The following CCDC191 variants were observed in gnomAD, a reference collection of about 807,000 sequenced individuals.
CCDC191 encodes the protein coiled-coil domain-containing protein 191.
Under a neutral mutation model 114.0 loss-of-function variants are expected in CCDC191, and 99 were observed. The ratio of observed to expected loss-of-function variants is 0.87; its 90% CI spans 0.74 to 1.03. The LOEUF is 1.03. Among genes scored for constraint, CCDC191 ranks in the 50% least tolerant of loss-of-function variants. The pLI is 0.00. For synonymous variants in CCDC191, 351 were observed against 376.0 expected (o/e 0.93, Z 0.77); for missense variants, 973 against 1,087.0 (o/e 0.90, Z 1.47).
chr3:114,032,760 T>C (rs1209439408), intron 6 of CCDC191, among the ~76,000 whole-genome samples: 1 of 152,222 alleles, frequency 6.6e-6, no homozygotes, highest in Non-Finnish European at 1.5e-5. Flanking sequence ...TTCTCCAGTA[T>C]AGAGTTATTA....
intron 3 of CCDC191, among the ~76,000 whole-genome samples, chr3:114,044,360 A>G (rs566901982): frequency 1.7e-4 from 26 of 152,350 alleles, no homozygotes; most frequent in African/African-American, 6.0e-4. Flanking sequence ...TGCTATTAAG[A>G]AAATTTCCTG....
chr3:114,042,411 G>T (rs907135835), intron 4 of CCDC191, among the ~76,000 whole-genome samples: 8 of 152,166 alleles, frequency 5.3e-5, no homozygotes, highest in Non-Finnish European at 7.4e-5. Flanking sequence ...CACAAGACTA[G>T]AACATCTGAG....
At chr3:114,027,873 C>A (rs2076347335) in intron 7 of CCDC191, among the ~76,000 whole-genome samples, 1 of 152,068 alleles carries the variant, frequency 6.6e-6, no homozygotes, top group Non-Finnish European at 1.5e-5. Flanking sequence ...GCTGAGTATC[C>A]AAGTTTCATT....
chr3:114,012,302 T>A (rs755448570), intron 8 of CCDC191, among the ~76,000 whole-genome samples: 119 of 152,184 alleles, frequency 7.8e-4, no homozygotes, highest in Non-Finnish European at 1.2e-3. Flanking sequence ...ATATTTCTAA[T>A]CTATTCTATA....
chr3:114,044,033 G>T (rs2076597945), intron 3 of CCDC191, among the ~76,000 whole-genome samples: 1 of 152,068 alleles, frequency 6.6e-6, no homozygotes, highest in African/African-American at 2.4e-5. Context: ...AGATGTTTAG[G>T]AGACATCCAA....
intron 9 of CCDC191, among the ~76,000 whole-genome samples, chr3:114,007,843 A>G (rs1354501756): frequency 6.6e-6 from 1 of 151,808 alleles, no homozygotes; most frequent in Non-Finnish European, 1.5e-5. Context: ...AAGATTTTAT[A>G]TTTTCACTTG....
intron 15 of CCDC191, 43 bp downstream of exon 15, chr3:113,978,815 G>C (rs1233914100): frequency 1.1e-5 from 17 of 1,578,114 alleles, no homozygotes; most frequent in Non-Finnish European, 1.5e-5. Context: ...AAATAGAATT[G>C]AGCAATGAGA....
chr3:113,965,214 C>G lies in CCDC191; in HGVS notation c.2752G>C (p.Glu918Gln). Residue 918 changes from glutamate to glutamine, a missense_variant, in exon 17 of 17, where the codon GAG becomes CAG. Glu to Gln is a conservative substitution (Grantham distance 29). Transcript: ENST00000295878. ...CAAGTATCTGATTGCTGATATAGCT[C>G]GTGGTACCTTCCAGGTACCTGGAAG... The part of the protein sequence containing the change: ...PDFQVPGRYH[E>Q]LYQQSDTWSL... 2 of 1,611,932 alleles carry G rather than the reference C, an allele frequency of 1.2e-6. No homozygotes were observed. The highest frequency in any genetic ancestry group is 1.7e-6 in the Non-Finnish European group (2 of 1,179,210).
At chr3:114,038,610 G>A (rs548094204) in intron 4 of CCDC191, among the ~76,000 whole-genome samples, 1 of 152,262 alleles carries the variant, frequency 6.6e-6, no homozygotes, top group South Asian at 2.1e-4. Flanking sequence ...ATAATAGAAT[G>A]ATTTCTATTC....
intron 7 of CCDC191, among the ~76,000 whole-genome samples, chr3:114,023,241 G>T (rs1330149386): frequency 6.6e-6 from 1 of 152,178 alleles, no homozygotes; most frequent in African/African-American, 2.4e-5. Context: ...CCATGCTCAT[G>T]GGTAGGAAGA....
At chr3:113,979,404 T>C (rs1047669212) in intron 14 of CCDC191, among the ~76,000 whole-genome samples, 4 of 152,184 alleles carry the variant, frequency 2.6e-5, no homozygotes, top group African/African-American at 9.7e-5. Context: ...CACTGTCTAA[T>C]TGAGGAAATG....
chr3:114,006,168 G>A lies in CCDC191; in HGVS notation c.1414-206C>T. ...GCTCACCATGAAAACTGGGAGAGTGGCCGGCTGTGGTGGCTCATGCCTGTA... is the reference window on the plus strand; with the variant it reads ...GCTCACCATGAAAACTGGGAGAGTGACCGGCTGTGGTGGCTCATGCCTGTA... On this transcript the variant is annotated intron_variant, in intron 9 of 16. Coordinates refer to ENST00000295878, the MANE Select transcript of CCDC191 (RefSeq NM_020817.2). 4.6e-6 allele frequency: 3 copies of A among 652,572 alleles called. No homozygotes were observed. The South Asian group carries it at 4.9e-5, about 11-fold the overall frequency. The allele number at this position is 652,572 out of a possible 1,614,324, so 40.4% of individuals were successfully genotyped here.
intron 6 of CCDC191, among the ~76,000 whole-genome samples, chr3:114,033,223 G>A (rs1201613964): frequency 1.3e-5 from 2 of 151,708 alleles, no homozygotes; most frequent in African/African-American, 4.8e-5. Context: ...TCAGCCTCCC[G>A]AGTAGCTGGG....
intron 7 of CCDC191, among the ~76,000 whole-genome samples, chr3:114,023,699 A>C (rs1386335455): frequency 6.6e-6 from 1 of 152,224 alleles, no homozygotes; most frequent in East Asian, 1.9e-4. Context: ...TTATACAAAA[A>C]TTAATTCAAG....
chr3:113,984,363 A>G (rs1466059541), intron 13 of CCDC191: 2 of 152,180 alleles, frequency 1.3e-5, no homozygotes, highest in Non-Finnish European at 2.9e-5. Flanking sequence ...GATACAAATG[A>G]TTCAGAGAAG....
chr3:113,978,829 A>T (rs1244298755), intron 15 of CCDC191, 29 bp downstream of exon 15: 5 of 1,604,030 alleles, frequency 3.1e-6, no homozygotes, highest in Non-Finnish European at 3.4e-6. Context: ...AATGAGATGT[A>T]TTTAAGGTAC....
At chr3:114,051,082 C>T (rs2076693046) in intron 2 of CCDC191, among the ~76,000 whole-genome samples, 1 of 152,098 alleles carries the variant, frequency 6.6e-6, no homozygotes. Context: ...CCCTCAATTC[C>T]ACTTCAGCAA....
chr3:113,968,731 A>G (rs931835572), intron 16 of CCDC191, among the ~76,000 whole-genome samples: 1 of 151,296 alleles, frequency 6.6e-6, no homozygotes, highest in East Asian at 1.9e-4. Context: ...AAGTGTTGGG[A>G]TTATAGATGT....
chr3:113,981,889 G>C (rs906616309), intron 13 of CCDC191, among the ~76,000 whole-genome samples: 18 of 152,160 alleles, frequency 1.2e-4, no homozygotes, highest in Admixed American at 1.0e-3. Flanking sequence ...TCAGGCACTT[G>C]AGATACTTGT....
Sources: allele counts gnomAD v4.1 joint callset (sites outside exome capture counted in the v4.1 genomes callset), GRCh38; gene constraint gnomAD v4.1.1; transcripts MANE v1.5; gene names NCBI Gene and HGNC (gene_info 2026-07-23, HGNC 2026-07-21).